Variants in PHF14 observed in about 807,000 individuals in gnomAD.
The protein encoded by PHF14 is PHD finger protein 14.
In PHF14, 55 loss-of-function variants were observed where a neutral mutation model predicts 117.9. The observed-to-expected ratio is 0.47, with a 90% confidence interval of 0.38 to 0.58. The LOEUF is 0.58. PHF14 is among the 20% of genes least tolerant of loss of function. PHF14 has a pLI of 0.00. For synonymous variants in PHF14, 409 were observed against 368.6 expected, an observed-to-expected ratio of 1.11 and a Z score of -1.26; for missense variants, 978 against 1,122.2, an observed-to-expected ratio of 0.87 and a Z score of 1.84.
At chr7:11,003,403 A>G (rs1782951671) in intron 4 of PHF14, among the ~76,000 whole-genome samples, 1 of 152,160 alleles carries the variant, frequency 6.6e-6, no homozygotes, top group Non-Finnish European at 1.5e-5. Context: ...ACCTAAATAC[A>G]TAGGTGTTAA....
chr7:11,029,049 T>C (rs1784026626), intron 7 of PHF14, among the ~76,000 whole-genome samples: 1 of 152,084 alleles, frequency 6.6e-6, no homozygotes, highest in African/African-American at 2.4e-5. Flanking sequence ...ACAGATAAAA[T>C]GAAAGATAAT....
At chr7:11,008,701 T>C (rs1041591348) in intron 4 of PHF14, among the ~76,000 whole-genome samples, 20 of 152,128 alleles carry the variant, frequency 1.3e-4, no homozygotes, top group African/African-American at 4.6e-4. Context: ...ATTATGCATG[T>C]TGTAGGTACT....
At chr7:11,078,146 A>G (rs1342328979) in intron 16 of PHF14, among the ~76,000 whole-genome samples, 2 of 151,920 alleles carry the variant, frequency 1.3e-5, no homozygotes, top group Admixed American at 6.6e-5. Flanking sequence ...TTTTCCCCTT[A>G]TTTATCCTTA....
At chr7:11,122,425 ACACG>A (rs1292484041) in intron 17 of PHF14, among the ~76,000 whole-genome samples, 5 of 129,226 alleles carry the variant, frequency 3.9e-5, no homozygotes, top group Non-Finnish European at 8.5e-5. Flanking sequence ...ATATATATAT[ACACG>A]TATATATATA....
At chr7:11,144,727 C>T (rs774206944) in intron 17 of PHF14, among the ~76,000 whole-genome samples, 7 of 151,146 alleles carry the variant, frequency 4.6e-5, no homozygotes, top group African/African-American at 7.3e-5. Flanking sequence ...TTTGAATGTT[C>T]GTAACACAAA....
At chr7:11,094,998 A>G (rs960706115) in intron 16 of PHF14, among the ~76,000 whole-genome samples, 1 of 152,106 alleles carries the variant, frequency 6.6e-6, no homozygotes, top group African/African-American at 2.4e-5. Context: ...CATTCTAGCC[A>G]GAGGCAGTTC....
chr7:10,980,657 C>T (rs1782018582), intron 2 of PHF14, among the ~76,000 whole-genome samples: 1 of 152,162 alleles, frequency 6.6e-6, no homozygotes, highest in Non-Finnish European at 1.5e-5. Context: ...TACTTGATGG[C>T]AAAGCCTAAC....
intron 16 of PHF14, among the ~76,000 whole-genome samples, chr7:11,075,522 T>A (rs1407971828): frequency 6.7e-6 from 1 of 150,176 alleles, no homozygotes; most frequent in Non-Finnish European, 1.5e-5. Flanking sequence ...AGCTTTTGTG[T>A]GAATTAACAA....
chr7:11,109,307 C>T (rs894663664), intron 16 of PHF14: 1 of 151,802 alleles, frequency 6.6e-6, no homozygotes, highest in African/African-American at 2.4e-5. Flanking sequence ...TCAAATAGAA[C>T]AGCTGACTCC....
At chr7:10,994,731 G>A (rs1782572582) in intron 4 of PHF14, among the ~76,000 whole-genome samples, 1 of 152,104 alleles carries the variant, frequency 6.6e-6, no homozygotes, top group African/African-American at 2.4e-5. Context: ...ATGTTCGGAT[G>A]TGTTCGGAGT....
At position 10,982,768 on chromosome 7, in the gene PHF14, C is replaced by T; in HGVS notation, c.509C>T (p.Thr170Ile). 1.2e-6 allele frequency: 2 copies of T among 1,613,900 alleles called. No homozygotes were observed. The highest frequency in any genetic ancestry group is 1.7e-6 in the Non-Finnish European group (2 of 1,179,830). Residue 170 changes from threonine to isoleucine, a missense_variant, in exon 3 of 18, where the codon ACA becomes ATA. This residue lies in a region of PHF14 where 414 missense variants were observed against 376.4 expected (regional missense o/e 1.10). Transcript: ENST00000634607. Reference protein sequence around the residue: ...VNTSPSVPTTTTATEEQVSEP... With the variant: ...VNTSPSVPTTITATEEQVSEP... ...ACATCCCCTTCTGTTCCCACTACGA[C>T]AACCGCTACAGAGGAACAAGTCAGC...
intron 14 of PHF14, among the ~76,000 whole-genome samples, chr7:11,053,493 A>G (rs924708792): frequency 1.3e-5 from 2 of 152,062 alleles, no homozygotes; most frequent in South Asian, 2.1e-4. Context: ...TTCTATTTCT[A>G]AAATATTTTC....
At chr7:11,087,691 C>T (rs1425117327) in intron 16 of PHF14, among the ~76,000 whole-genome samples, 2 of 152,196 alleles carry the variant, frequency 1.3e-5, no homozygotes, top group East Asian at 3.9e-4. Context: ...GTGGTCTTCT[C>T]ACTTAATAAT....
intron 14 of PHF14, among the ~76,000 whole-genome samples, chr7:11,057,379 A>G (rs997435957): frequency 6.6e-6 from 1 of 151,930 alleles, no homozygotes; most frequent in African/African-American, 2.4e-5. Flanking sequence ...ACTTATTTTT[A>G]TTTTTATTTT....
At chr7:10,976,518 A>G (rs1781870584) in intron 2 of PHF14, among the ~76,000 whole-genome samples, 1 of 152,128 alleles carries the variant, frequency 6.6e-6, no homozygotes, top group Admixed American at 6.5e-5. Flanking sequence ...TACATTAAGT[A>G]TTACATTATT....
chr7:11,060,083 C>A (rs1198456920), intron 14 of PHF14, among the ~76,000 whole-genome samples: 1 of 152,010 alleles, frequency 6.6e-6, no homozygotes, highest in Non-Finnish European at 1.5e-5. Context: ...CTCTGTGTTG[C>A]CCAGGCTGGT....
chr7:11,068,335 G>A (rs968064023), intron 16 of PHF14, among the ~76,000 whole-genome samples: 2 of 131,526 alleles, frequency 1.5e-5, no homozygotes, highest in Non-Finnish European at 3.1e-5. Flanking sequence ...GGGTGACAGA[G>A]CGAGACTCCG....
At position 11,145,986 on chromosome 7, in the gene PHF14, T is replaced by A. The variant is rs1291962673; in HGVS notation, c.2773-23430T>A. The stretch of plus-strand genomic sequence containing the variant: ...ACTCTTGAATATGTTGAGCCTAAAT[T>A]TATCACAAACTATTAATTAAATTAC... On this transcript the variant is annotated intron_variant, in intron 17 of 17. Coordinates refer to ENST00000634607, the MANE Select transcript of PHF14 (RefSeq NM_001007157.2). Among the ~76,000 whole-genome samples, 9 of 152,192 alleles carry A rather than the reference T, an allele frequency of 5.9e-5. No individual in the cohort carries two copies. In the East Asian group the frequency reaches 1.2e-3, roughly 20 times the overall value.
At chr7:11,076,045 A>G (rs1443838924) in intron 16 of PHF14, among the ~76,000 whole-genome samples, 3 of 152,158 alleles carry the variant, frequency 2.0e-5, no homozygotes, top group African/African-American at 7.2e-5. Flanking sequence ...AGGCTGAGGC[A>G]GGAGAATGGT....
Sources: gnomAD v4.1 joint callset for allele counts (sites outside exome capture counted in the v4.1 genomes callset) on GRCh38, gnomAD v4.1.1 for gene constraint, gnomAD v4.1.1 regional missense constraint, MANE v1.5 for transcripts, NCBI Gene and HGNC (gene_info 2026-07-23, HGNC 2026-07-21) for gene names.